COPB2: variants seen among roughly 807,000 people sequenced by gnomAD.
COPB2 encodes the protein coatomer subunit beta'.
In COPB2, 16 loss-of-function variants were observed where a neutral mutation model predicts 120.8. The observed-to-expected ratio is 0.13, with a 90% CI of 0.09 to 0.20. COPB2 has a LOEUF of 0.20. COPB2 is among the 10% of genes least tolerant of loss of function. The pLI, the probability that COPB2 is intolerant of heterozygous loss-of-function variation, is 1.00. For synonymous variants in COPB2, 332 were observed against 366.3 expected, an observed-to-expected ratio of 0.91 and a Z score of 1.07; for missense variants, 794 against 1,076.5, an observed-to-expected ratio of 0.74 and a Z score of 3.67.
At chr3:139,380,868 A>G (rs1481290005) in intron 2 of COPB2, 1 of 152,206 alleles carries the variant, frequency 6.6e-6, no homozygotes, top group East Asian at 1.9e-4. Context: ...AATCCACAAA[A>G]GCTCATGAGG....
chr3:139,373,001 A>G (rs1576374679), intron 9 of COPB2, among the ~76,000 whole-genome samples: 1 of 152,236 alleles, frequency 6.6e-6, no homozygotes, highest in East Asian at 1.9e-4. Context: ...TGTGGTATAG[A>G]ACAAGTCCAG....
intron 5 of COPB2, 138 bp from the exon 6 acceptor site, chr3:139,375,752 T>G: frequency 8.9e-7 from 1 of 1,127,322 alleles, no homozygotes; most frequent in Non-Finnish European, 1.2e-6. Context: ...TTTATCCTGT[T>G]TGGTTTTTGT....
chr3:139,378,175 T>C lies in COPB2; in HGVS notation c.370A>G (p.Lys124Glu). 6.4e-7 allele frequency: 1 copy of C among 1,570,796 alleles called. No individual in the cohort carries two copies. The highest frequency in any genetic ancestry group is 8.7e-7 in the Non-Finnish European group (1 of 1,148,272). ...CATTTTTTATCCCAGTCCCAGAGCT[T>C]AATAAGCATGTCATCTAGGCCAAAA... ...ILTSSDDMLI[K>E]LWDWDKKWSC... Residue 124 changes from lysine to glutamate, a missense_variant, in exon 5 of 22, where the codon AAG becomes GAG. Transcript: ENST00000333188.
chr3:139,388,297 T>G (rs13327467), intron 1 of COPB2: 1 of 150,498 alleles, frequency 6.6e-6, no homozygotes, highest in Non-Finnish European at 1.5e-5. Context: ...CGGCAGCACA[T>G]AGAGAGGAGA....
At position 139,362,410 on chromosome 3, in the gene COPB2, T is replaced by C. The variant is rs1194892157; in HGVS notation, c.1992A>G (p.Ala664=). ...AAAATCATGAATTAGTACATACCTC[T>C]GCTTCCACTGCTAACTGGTATGCAA... ...LKIAYQLAVE[A]ESEQKWKQLA... is the part of the protein sequence containing the mutation. The change falls in exon 16 of 22, where the codon GCA becomes GCG. Residue 664 remains alanine, a synonymous_variant. Coordinates refer to ENST00000333188, the MANE Select transcript of COPB2 (RefSeq NM_004766.3). 1 of 1,606,168 alleles carries C rather than the reference T, an allele frequency of 6.2e-7. No individual in the cohort carries two copies. Among genetic ancestry groups the C allele is most frequent in the Non-Finnish European group, 8.5e-7 (1 of 1,174,710 alleles).
chr3:139,384,100 G>A lies in COPB2; in HGVS notation c.4-665C>T, dbSNP rs555204816. ...CATTACTTGAAATTCTTCGAAATTC[G>A]AGAAGTGGTAGTTTCTTAAAGGCTA... On this transcript the variant is annotated intron_variant, in intron 1 of 21. Transcript: ENST00000333188. Among the ~76,000 whole-genome samples the A allele has an allele frequency of 2.0e-5, 3 of 152,258 alleles. No homozygotes were observed. The East Asian group carries it at 5.8e-4, about 29-fold the overall frequency.
intron 1 of COPB2, 92 bp from the exon 2 acceptor site, chr3:139,383,527 A>G: frequency 4.4e-6 from 5 of 1,134,424 alleles, no homozygotes; most frequent in Non-Finnish European, 6.0e-6. Context: ...GGCCTACAAA[A>G]CAATTCAGCT....
intron 1 of COPB2, among the ~76,000 whole-genome samples, chr3:139,387,240 A>G (rs1375241360): frequency 6.6e-6 from 1 of 151,640 alleles, no homozygotes; most frequent in Non-Finnish European, 1.5e-5. Context: ...AGAAGGAAAG[A>G]AGGAAGTAAG....
chr3:139,373,891 C>A lies in COPB2; in HGVS notation c.752-83G>T. 6 of 1,519,844 alleles carry A rather than the reference C, an allele frequency of 3.9e-6. 1 individual carries two copies. Among genetic ancestry groups the A allele is most frequent in the Non-Finnish European group, 5.3e-6 (6 of 1,122,294 alleles). 94.1% of individuals were successfully genotyped at this position (1,519,844 alleles called of 1,614,324 possible). A position where few individuals can be genotyped will look rare whatever the true frequency, so the allele number is the denominator to read the frequency against. On this transcript the variant is annotated intron_variant, in intron 7 of 21. Transcript: ENST00000333188. ...TCAGGTGAAAGAGACCCATAGAAGT[C>A]TTTCTATTCAAACAGATAACACTTC...
rs1285282068 is a variant in COPB2, at chr3:139,357,827, T to C, written c.*36A>G. On this transcript the variant is annotated 3_prime_UTR_variant, in exon 22 of 22. Coordinates refer to ENST00000333188, the MANE Select transcript of COPB2 (RefSeq NM_004766.3). ...AGCAATCAATACCTATATATAATAA[T>C]GATCTGTTTAGTCAGGTAAATGGAA... The C allele has an allele frequency of 2.6e-6, 3 of 1,144,858 alleles. No individual in the cohort carries two copies. Among genetic ancestry groups the C allele is most frequent in the Non-Finnish European group, 3.8e-6 (3 of 784,168 alleles). 70.9% of individuals were successfully genotyped at this position (1,144,858 alleles called of 1,614,324 possible). A position where few individuals can be genotyped will look rare whatever the true frequency, so the allele number is the denominator to read the frequency against.
intron 5 of COPB2, among the ~76,000 whole-genome samples, chr3:139,376,404 T>C (rs1372035434): frequency 6.6e-6 from 1 of 152,226 alleles, no homozygotes; most frequent in African/African-American, 2.4e-5. Flanking sequence ...GTGCCTATTA[T>C]ATGGGAGGCC....
At chr3:139,358,474 C>G (rs1486375231) in intron 20 of COPB2, 2 of 607,112 alleles carry the variant, frequency 3.3e-6, no homozygotes, top group East Asian at 5.6e-5. Flanking sequence ...GTCAGGAGAT[C>G]GAGACCATCC....
At chr3:139,388,492 T>C (rs1448792338) in intron 1 of COPB2, 7 of 52,390 alleles carry the variant, frequency 1.3e-4, no homozygotes, top group African/African-American at 2.4e-4. Context: ...TATTCCTAAC[T>C]TTTTCCTAGT....
chr3:139,377,622 C>CA, intron 5 of COPB2, among the ~76,000 whole-genome samples: 1 of 152,230 alleles, frequency 6.6e-6, no homozygotes, highest in Middle Eastern at 3.4e-3. Context: ...AGAAAGATAA[C>CA]AGACAGCAGT....
intron 5 of COPB2, 30 bp from the exon 6 acceptor site, chr3:139,375,644 A>G (rs1333490440): frequency 3.7e-6 from 6 of 1,605,532 alleles, no homozygotes; most frequent in East Asian, 2.2e-5. Context: ...CGGCCAGTCA[A>G]TATGGGGCCT....
chr3:139,366,494 T>G (rs1166486029), intron 15 of COPB2, 74 bp downstream of exon 15: 8 of 1,383,030 alleles, frequency 5.8e-6, no homozygotes, highest in Non-Finnish European at 7.9e-6. Flanking sequence ...GAAATAAAGT[T>G]TTTCAACTCC....
At chr3:139,380,444 T>C (rs1941789728) in intron 2 of COPB2, 1 of 152,230 alleles carries the variant, frequency 6.6e-6, no homozygotes, top group Non-Finnish European at 1.5e-5. Flanking sequence ...GTGACTTATA[T>C]GTTCCTCCGA....
At chr3:139,378,232 T>A in intron 4 of COPB2, 43 bp from the exon 5 acceptor site, 1 of 1,498,360 alleles carries the variant, frequency 6.7e-7, no homozygotes, top group African/African-American at 1.4e-5. Flanking sequence ...ATTCTATTTT[T>A]TCACTTCATA....
chr3:139,380,637 A>G (rs1941793682), intron 2 of COPB2: 1 of 152,192 alleles, frequency 6.6e-6, no homozygotes, highest in African/African-American at 2.4e-5. Flanking sequence ...AAGAAACACA[A>G]TATAATCTTA....
Sources: allele counts gnomAD v4.1 joint callset (sites outside exome capture counted in the v4.1 genomes callset), GRCh38; gene constraint gnomAD v4.1.1; transcripts MANE v1.5; gene names NCBI Gene and HGNC (gene_info 2026-07-23, HGNC 2026-07-21).